The following TMEM33 variants were observed in gnomAD, a reference collection of about 807,000 sequenced individuals.
TMEM33 encodes transmembrane protein 33.
Under a neutral mutation model 29.7 loss-of-function variants are expected in TMEM33, and 16 were observed. The ratio of observed to expected loss-of-function variants is 0.54; its 90% CI spans 0.36 to 0.82. The LOEUF is 0.82. Ranked by LOEUF, TMEM33 falls within the 40% of genes least tolerant of loss-of-function variation. The pLI is 0.00. For synonymous variants in TMEM33, 112 were observed against 109.4 expected, an observed-to-expected ratio of 1.02 and a Z score of -0.15; for missense variants, 252 against 295.3, an observed-to-expected ratio of 0.85 and a Z score of 1.08.
At chr4:41,949,205 A>C (rs1560518669) in intron 5 of TMEM33, 97 bp from the exon 6 acceptor site, 5 of 708,274 alleles carry the variant, frequency 7.1e-6, no homozygotes, top group Non-Finnish European at 1.2e-5. Context: ...TGATGAATGA[A>C]GATACACATA....
At chr4:41,953,495 C>T (rs1454545644) in intron 6 of TMEM33, among the ~76,000 whole-genome samples, 1 of 152,228 alleles carries the variant, frequency 6.6e-6, no homozygotes, top group Non-Finnish European at 1.5e-5. Flanking sequence ...GCATTCACAG[C>T]TTGGCTATTT....
At chr4:41,938,460 C>A in intron 1 of TMEM33, 142 bp from the exon 2 acceptor site, 1 of 724,960 alleles carries the variant, frequency 1.4e-6, no homozygotes, top group Admixed American at 2.4e-5. Context: ...ATGTAATTGC[C>A]TTAGAGTTTT....
chr4:41,954,228 G>A lies in TMEM33; in HGVS notation c.*29G>A, dbSNP rs200229780. ...AACATCTAGTTAAGCTACAAATATA[G>A]TATAAGCATTATTAGCAGCTGGTAC... is the stretch of plus-strand genomic sequence containing the variant. On this transcript the variant is annotated 3_prime_UTR_variant, in exon 7 of 7. Transcript: ENST00000504986. 1.5e-4 allele frequency: 248 copies of A among 1,607,740 alleles called. No individual in the cohort carries two copies. Among genetic ancestry groups the A allele is most frequent in the Middle Eastern group, 8.3e-4 (5 of 6,042 alleles).
intron 5 of TMEM33, among the ~76,000 whole-genome samples, chr4:41,948,952 T>C (rs1181334876): frequency 1.3e-5 from 2 of 152,072 alleles, no homozygotes; most frequent in African/African-American, 2.4e-5. Context: ...ATAAAATAAG[T>C]CACTTTTCAT....
intron 5 of TMEM33, among the ~76,000 whole-genome samples, chr4:41,946,907 T>C (rs1051415911): frequency 3.9e-5 from 6 of 152,170 alleles, no homozygotes; most frequent in African/African-American, 1.4e-4. Context: ...TCACAGGTTC[T>C]GTGATTTGTT....
At chr4:41,935,343 A>G, upstream of TMEM33, 1 of 888,928 alleles carries the variant, frequency 1.1e-6, no homozygotes, top group Non-Finnish European at 1.8e-6. Context: ...GGAGGCTCAG[A>G]GTTCCGGCAG....
chr4:41,940,046 C>CTTTT (rs71650953), intron 3 of TMEM33, among the ~76,000 whole-genome samples: 1,161 of 81,066 alleles, frequency 0.014, 12 homozygotes, highest in Non-Finnish European at 0.017. Context: ...GTTAAACTTT[C>CTTTT]TTTTTTTTTT....
intron 1 of TMEM33, 111 bp from the exon 2 acceptor site, chr4:41,938,491 C>T: frequency 7.8e-6 from 8 of 1,021,310 alleles, no homozygotes; most frequent in Non-Finnish European, 1.2e-5. Flanking sequence ...TCTAAAAAAA[C>T]AAATGGAGGA....
chr4:41,960,020 T>C lies in TMEM33; in HGVS notation c.*5821T>C, dbSNP rs939251673. 1.6e-4 allele frequency: 25 copies of C among 152,150 alleles called. No individual in the cohort carries two copies. The highest frequency in any genetic ancestry group is 1.6e-3 in the Admixed American group (24 of 15,278). The allele number at this position is 152,150 out of a possible 1,614,324, so 9.4% of individuals were successfully genotyped here. On this transcript the variant is annotated 3_prime_UTR_variant, in exon 7 of 7. Transcript: ENST00000504986. ...AGACTATATAAATTTATAAAATAAA[T>C]TGAAAAATTCATTCCCCTGTATTCA...
intron 4 of TMEM33, among the ~76,000 whole-genome samples, 160 bp from the exon 5 acceptor site, chr4:41,944,633 C>G (rs1303359395): frequency 6.6e-6 from 1 of 152,092 alleles, no homozygotes; most frequent in Non-Finnish European, 1.5e-5. Context: ...GGAAAATATA[C>G]TATATTTGTC....
intron 3 of TMEM33, among the ~76,000 whole-genome samples, chr4:41,941,039 TTCTG>T (rs1245579940): frequency 6.6e-6 from 1 of 152,144 alleles, no homozygotes; most frequent in Non-Finnish European, 1.5e-5. Flanking sequence ...AAATATTTCT[TTCTG>T]TATGTGGGTA....
chr4:41,953,666 G>A (rs2174729), intron 6 of TMEM33: 46,554 of 436,668 alleles, frequency 0.11, 3,150 homozygotes, highest in African/African-American at 0.22. Context: ...CCTAATTTCA[G>A]TATTGTGTCT....
intron 1 of TMEM33, among the ~76,000 whole-genome samples, chr4:41,936,221 C>T (rs955466589): frequency 2.0e-5 from 3 of 152,210 alleles, no homozygotes; most frequent in African/African-American, 7.2e-5. Flanking sequence ...AAGCTGCTTT[C>T]TCTTCATCTG....
rs1553910603 is a variant in TMEM33 at position 41,940,046 on chromosome 4, C to CCTT, written c.328+663_328+664insCTT. Among the ~76,000 whole-genome samples, 144 of 81,318 alleles carry CCTT rather than the reference C, an allele frequency of 1.8e-3. 3 individuals carry two copies. The highest frequency in any genetic ancestry group is 7.4e-3 in the African/African-American group (133 of 17,876). 53.3% of individuals were successfully genotyped at this position (81,318 alleles called of 152,430 possible). On this transcript the variant is annotated intron_variant, in intron 3 of 6. Coordinates refer to ENST00000504986, the MANE Select transcript of TMEM33 (RefSeq NM_018126.3). ...TATAGTGAACACTAGGTTAAACTTT[C>CCTT]TTTTTTTTTTTTTTTTTTTTTTTTG...
At chr4:41,951,760 C>T (rs1448010312) in intron 6 of TMEM33, among the ~76,000 whole-genome samples, 2 of 152,082 alleles carry the variant, frequency 1.3e-5, no homozygotes, top group African/African-American at 4.8e-5. Flanking sequence ...GAACATAAGC[C>T]AAGTCTTTTA....
At chr4:41,943,433 G>A (rs1478252126) in intron 3 of TMEM33, among the ~76,000 whole-genome samples, 2 of 151,944 alleles carry the variant, frequency 1.3e-5, no homozygotes, top group East Asian at 1.9e-4. Context: ...GCTGAGGCAG[G>A]AGAATCACTT....
chr4:41,938,150 G>C (rs1357243459), intron 1 of TMEM33, among the ~76,000 whole-genome samples: 2 of 152,318 alleles, frequency 1.3e-5, no homozygotes, highest in African/African-American at 4.8e-5. Flanking sequence ...TCAGCTCTGA[G>C]ACCTACCTAT....
chr4:41,954,155 C>T lies in TMEM33; in HGVS notation c.700C>T (p.Gln234Ter). 1 of 1,613,856 alleles carries T rather than the reference C, an allele frequency of 6.2e-7. No homozygotes were observed. The highest frequency in any genetic ancestry group is 8.5e-7 in the Non-Finnish European group (1 of 1,179,828). Reference protein sequence around the residue: ...CPLFVRRLCLQSIAFISRLAP... With the variant: ...CPLFVRRLCL The stretch of plus-strand genomic sequence containing the variant: ...ACTGTTTGTGAGAAGACTTTGTCTC[C>T]AGAGCATTGCCTTTATAAGCAGATT... Residue 234 changes from glutamine to a stop codon, truncating the protein, a stop_gained, in exon 7 of 7, where the codon CAG (glutamine) becomes TAG (stop). Coordinates refer to ENST00000504986, the MANE Select transcript of TMEM33 (RefSeq NM_018126.3). LOFTEE classifies it high-confidence loss of function.
chr4:41,938,845 A>T, intron 2 of TMEM33, 149 bp downstream of exon 2: 1 of 680,792 alleles, frequency 1.5e-6, no homozygotes, highest in South Asian at 2.0e-5. Context: ...ACAACCTAAT[A>T]ACATTATCAG....
Sources: allele counts gnomAD v4.1 joint callset (sites outside exome capture counted in the v4.1 genomes callset), GRCh38; gene constraint gnomAD v4.1.1; transcripts MANE v1.5; gene names NCBI Gene and HGNC (gene_info 2026-07-23, HGNC 2026-07-21).